The following EYA2 variants were observed in gnomAD, a reference collection of about 807,000 sequenced individuals.
EYA2 encodes protein phosphatase EYA2.
EYA2 carries 31 observed loss-of-function variants against 69.2 expected under a neutral mutation model. The ratio of observed to expected loss-of-function variants is 0.45; its 90% CI spans 0.34 to 0.60. EYA2 has a LOEUF of 0.60. Ranked by LOEUF, EYA2 falls within the 20% of genes least tolerant of loss-of-function variation. The pLI, the probability that EYA2 is intolerant of heterozygous loss-of-function variation, is 0.02. For missense variants in EYA2, 622 were observed against 701.2 expected, an observed-to-expected ratio of 0.89 and a Z score of 1.28; for synonymous variants, 257 against 279.4, an observed-to-expected ratio of 0.92 and a Z score of 0.80.
At chr20:47,058,407 T>C (rs2030736001) in intron 5 of EYA2, among the ~76,000 whole-genome samples, 1 of 152,172 alleles carries the variant, frequency 6.6e-6, no homozygotes, top group African/African-American at 2.4e-5. Flanking sequence ...CTATCCCAGG[T>C]CCCACTATAT....
chr20:47,082,922 C>T (rs552890651), intron 7 of EYA2, among the ~76,000 whole-genome samples: 4 of 151,836 alleles, frequency 2.6e-5, no homozygotes, highest in South Asian at 2.1e-4. Flanking sequence ...GGTTGGGTGC[C>T]GTGGCTCGTG....
chr20:47,147,119 T>C (rs2033719599), intron 10 of EYA2, among the ~76,000 whole-genome samples: 1 of 150,076 alleles, frequency 6.7e-6, no homozygotes, highest in African/African-American at 2.5e-5. Flanking sequence ...TACGATCTTG[T>C]CGCACTGCAA....
At chr20:47,049,675 C>A (rs1600669563) in intron 5 of EYA2, among the ~76,000 whole-genome samples, 1 of 151,244 alleles carries the variant, frequency 6.6e-6, no homozygotes, top group Admixed American at 6.6e-5. Context: ...GAGGCCCCCC[C>A]AGAAGCTGAG....
At chr20:47,081,355 G>T (rs2031708877) in intron 7 of EYA2, among the ~76,000 whole-genome samples, 1 of 152,072 alleles carries the variant, frequency 6.6e-6, no homozygotes, top group Admixed American at 6.6e-5. Context: ...ATATGTGAAT[G>T]TTAATTAGCT....
chr20:47,008,691 A>G (rs1982878234), intron 4 of EYA2, among the ~76,000 whole-genome samples: 1 of 152,198 alleles, frequency 6.6e-6, no homozygotes, highest in Non-Finnish European at 1.5e-5. Context: ...GATACAGAGT[A>G]GATGATAAGA....
intron 1 of EYA2, among the ~76,000 whole-genome samples, chr20:46,916,388 G>A (rs1465970691): frequency 6.6e-6 from 1 of 150,958 alleles, no homozygotes; most frequent in East Asian, 2.0e-4. Context: ...TGCTGTGTGT[G>A]AGTATATGAA....
rs779945744 is a variant in EYA2, at chr20:47,182,628, T to TCAAAAAAAAAAAAAAAAAAAAAAAAAAA, written c.1436-663_1436-662insCAAAAAAAAAAAAAAAAAAAAAAAAAAA. Among the ~76,000 whole-genome samples the TCAAAAAAAAAAAAAAAAAAAAAAAAAAA allele has an allele frequency of 1.3e-4, 11 of 84,346 alleles. 3 individuals carry two copies. Among genetic ancestry groups the TCAAAAAAAAAAAAAAAAAAAAAAAAAAA allele is most frequent in the Middle Eastern group, 8.3e-3 (1 of 120 alleles). 55.3% of individuals were successfully genotyped at this position (84,346 alleles called of 152,430 possible). ...TGGGCAACAAGAACGAGACTCCGTC[T>TCAAAAAAAAAAAAAAAAAAAAAAAAAAA]AAAAAAAAAAAAAAAAGGTTAAGAT... On this transcript the variant is annotated intron_variant, in intron 14 of 15. Transcript: ENST00000327619.
intron 9 of EYA2, among the ~76,000 whole-genome samples, chr20:47,110,563 A>G (rs1371557439): frequency 1.3e-5 from 2 of 152,174 alleles, no homozygotes; most frequent in South Asian, 2.1e-4. Flanking sequence ...CTAGTGATCC[A>G]TGTGACTGTC....
At chr20:46,952,353 A>AG (rs1568684125) in intron 1 of EYA2, among the ~76,000 whole-genome samples, 1 of 152,180 alleles carries the variant, frequency 6.6e-6, no homozygotes, top group African/African-American at 2.4e-5. Context: ...GGGATCAGAC[A>AG]GGGCCTCATG....
intron 1 of EYA2, among the ~76,000 whole-genome samples, chr20:46,966,591 G>A (rs556000206): frequency 6.6e-6 from 1 of 152,284 alleles, no homozygotes; most frequent in South Asian, 2.1e-4. Context: ...GGCGGATCAC[G>A]AGGTCAGGAC....
chr20:47,182,730 G>A (rs375504961), intron 14 of EYA2, among the ~76,000 whole-genome samples: 5 of 151,908 alleles, frequency 3.3e-5, no homozygotes, highest in African/African-American at 9.7e-5. Flanking sequence ...GAGGCCAGGA[G>A]TTCGAGACCA....
chr20:47,033,301 A>G (rs1984522704), intron 5 of EYA2, among the ~76,000 whole-genome samples: 1 of 152,242 alleles, frequency 6.6e-6, no homozygotes, highest in African/African-American at 2.4e-5. Context: ...GTCAGGGGTC[A>G]GTCCAAATAG....
chr20:47,162,752 C>T (rs943401001), intron 10 of EYA2, among the ~76,000 whole-genome samples: 1 of 151,756 alleles, frequency 6.6e-6, no homozygotes, highest in Admixed American at 6.6e-5. Context: ...CTCTTGGGCT[C>T]AGGAGATGCA....
intron 5 of EYA2, among the ~76,000 whole-genome samples, chr20:47,025,769 T>C (rs148818312): frequency 1.3e-5 from 2 of 152,356 alleles, no homozygotes; most frequent in African/African-American, 2.4e-5. Flanking sequence ...ATTCTACCCA[T>C]TTACACTCCC....
chr20:47,132,027 C>T (rs115061237), intron 9 of EYA2, among the ~76,000 whole-genome samples: 2,205 of 152,278 alleles, frequency 0.014, 56 homozygotes, highest in African/African-American at 0.05. Context: ...AGTGCAGTAG[C>T]GCAATCATAG....
intron 7 of EYA2, among the ~76,000 whole-genome samples, chr20:47,084,969 G>A (rs2031847697): frequency 6.6e-6 from 1 of 151,722 alleles, no homozygotes; most frequent in South Asian, 2.1e-4. Context: ...CTGAGTAGCT[G>A]GGACTATGGG....
At chr20:47,032,527 T>A (rs1379159168) in intron 5 of EYA2, among the ~76,000 whole-genome samples, 1 of 152,242 alleles carries the variant, frequency 6.6e-6, no homozygotes, top group Non-Finnish European at 1.5e-5. Flanking sequence ...ACACAAGTAA[T>A]ATCTTGGTGT....
intron 14 of EYA2, among the ~76,000 whole-genome samples, chr20:47,181,486 G>A (rs867590943): frequency 2.6e-5 from 4 of 152,204 alleles, no homozygotes; most frequent in Middle Eastern, 3.4e-3. Context: ...TAGTCACGTG[G>A]CCACAAGTAG....
intron 1 of EYA2, among the ~76,000 whole-genome samples, chr20:46,934,954 A>G (rs1157749087): frequency 6.6e-6 from 1 of 152,262 alleles, no homozygotes; most frequent in Non-Finnish European, 1.5e-5. Flanking sequence ...CATCCAACAC[A>G]TATTTACTGA....
Sources: gnomAD v4.1 joint callset for allele counts (sites outside exome capture counted in the v4.1 genomes callset) on GRCh38, gnomAD v4.1.1 for gene constraint, MANE v1.5 for transcripts, NCBI Gene and HGNC (gene_info 2026-07-23, HGNC 2026-07-21) for gene names.